The following COL6A2 variants were observed in gnomAD, a reference collection of about 807,000 sequenced individuals.
COL6A2 encodes the protein collagen alpha-2(VI) chain.
COL6A2 carries 90 observed loss-of-function variants against 124.9 expected under a neutral mutation model. The ratio of observed to expected loss-of-function variants is 0.72; its 90% confidence interval spans 0.61 to 0.86. The LOEUF is 0.86. Among genes scored for constraint, COL6A2 ranks in the 40% least tolerant of loss-of-function variants. The pLI is 0.00. For missense variants in COL6A2, 1,607 were observed against 1,502.5 expected (o/e 1.07, Z -1.15); for synonymous variants, 793 against 618.2 (o/e 1.28, Z -4.19).
At chr21:46,129,009 G>A in intron 27 of COL6A2, 3 of 1,605,372 alleles carry the variant, frequency 1.9e-6, no homozygotes, top group Non-Finnish European at 8.5e-7. Context: ...TCCTGTCCCT[G>A]TGCTCACTGC....
In COL6A2 at chr21:46,122,486, T is replaced by C. The variant is rs1444117798; in HGVS notation, c.1573-10T>C. The C allele has an allele frequency of 1.9e-6, 3 of 1,612,838 alleles. No homozygotes were observed. The highest frequency in any genetic ancestry group is 1.1e-5 in the South Asian group (1 of 91,078). ...AGGCTGAGTCACCCTGGCTTCTGTT[T>C]GCTTCACAGGGAGAAAAAGGCGAGC... On this transcript the variant is annotated splice_polypyrimidine_tract_variant and intron_variant, in intron 19 of 27. Transcript: ENST00000300527.
intron 27 of COL6A2, chr21:46,129,107 T>C (rs888932319): frequency 4.4e-6 from 7 of 1,605,216 alleles, no homozygotes; most frequent in African/African-American, 1.3e-5. Context: ...CGCTCTTCAC[T>C]CTGGCCTCGC....
chr21:46,122,994 G>C, intron 21 of COL6A2, 57 bp downstream of exon 21: 1 of 1,526,764 alleles, frequency 6.5e-7, no homozygotes, highest in Non-Finnish European at 9.1e-7. Context: ...GAGGGGCCCT[G>C]AGGCTGAGCG....
rs2078467770 is a variant in COL6A2, at chr21:46,116,196, G to A, written c.900+143G>A. 8.6e-7 allele frequency: 1 copy of A among 1,156,422 alleles called. No individual in the cohort carries two copies. The highest frequency in any genetic ancestry group is 1.3e-6 in the Non-Finnish European group (1 of 791,730). The allele number at this position is 1,156,422 out of a possible 1,614,324, so 71.6% of individuals were successfully genotyped here. ...ACAGAAGCACCTCGATAACTTGATG[G>A]CCGTCCCAAAACCCAGCCTCCAGCC... is the stretch of plus-strand genomic sequence containing the variant. On this transcript the variant is annotated intron_variant, in intron 7 of 27. Transcript: ENST00000300527. This position sits in a 1 kb window ranked among gnomAD's most constrained non-coding sequence, Gnocchi z 4.6.
At chr21:46,128,772 CAG>C in intron 27 of COL6A2, 7 of 811,098 alleles carry the variant, frequency 8.6e-6, no homozygotes, top group Non-Finnish European at 1.5e-5. Context: ...ACTCACATCC[CAG>C]AGAGGCTGAG....
chr21:46,105,829 G>T (rs986497436), intron 1 of COL6A2, among the ~76,000 whole-genome samples: 2 of 151,932 alleles, frequency 1.3e-5, no homozygotes, highest in Admixed American at 6.6e-5. Context: ...AATCCATAAG[G>T]TATACAGAAA....
intron 27 of COL6A2, among the ~76,000 whole-genome samples, chr21:46,131,696 C>T (rs773938246): frequency 2.6e-5 from 4 of 152,162 alleles, no homozygotes; most frequent in Non-Finnish European, 5.9e-5. Flanking sequence ...AGCAGGTGGA[C>T]AGGGCCTGGG....
At chr21:46,130,475 C>G (rs189246465) in intron 27 of COL6A2, among the ~76,000 whole-genome samples, 1 of 152,184 alleles carries the variant, frequency 6.6e-6, no homozygotes, top group African/African-American at 2.4e-5. Flanking sequence ...GCCAGGTTCT[C>G]GTCCCCACAC....
At chr21:46,121,371 T>C (rs1418860343) in intron 17 of COL6A2, among the ~76,000 whole-genome samples, 185 bp from the exon 18 acceptor site, 3 of 152,258 alleles carry the variant, frequency 2.0e-5, no homozygotes, top group East Asian at 1.9e-4. Context: ...CCTGAGGTCC[T>C]GGATGGGCCA....
intron 27 of COL6A2, among the ~76,000 whole-genome samples, chr21:46,130,226 C>G (rs778721666): frequency 1.6e-4 from 24 of 152,204 alleles, no homozygotes; most frequent in Non-Finnish European, 2.8e-4. Flanking sequence ...GGTGTCTGCA[C>G]CCTTCCAGCC....
At chr21:46,117,490 C>T (rs1266834684) in intron 11 of COL6A2, 37 bp downstream of exon 11, 1 of 1,606,408 alleles carries the variant, frequency 6.2e-7, no homozygotes, top group Non-Finnish European at 8.5e-7. Flanking sequence ...AGCCTCGGCC[C>T]AGGGGGTGTG....
intron 5 of COL6A2, among the ~76,000 whole-genome samples, chr21:46,115,438 G>A (rs2078456613): frequency 6.6e-6 from 1 of 152,214 alleles, no homozygotes; most frequent in African/African-American, 2.4e-5. Flanking sequence ...AATTCCAAGA[G>A]AGTGTAACCT....
In COL6A2 at chr21:46,116,145, A is replaced by G; in HGVS notation, c.900+92A>G. The G allele has an allele frequency of 1.5e-6, 2 of 1,338,464 alleles. No individual in the cohort carries two copies. The highest frequency in any genetic ancestry group is 2.5e-5 in the South Asian group (2 of 79,898). The allele number at this position is 1,338,464 out of a possible 1,614,324, so 82.9% of individuals were successfully genotyped here. ...CAGCCCAGCCTCGGCCTCAGCCTCT[A>G]CGACCCTCCCCCCAGTTACCAAGGA... is the stretch of plus-strand genomic sequence containing the variant. On this transcript the variant is annotated intron_variant, in intron 7 of 27. Coordinates refer to ENST00000300527, the MANE Select transcript of COL6A2 (RefSeq NM_001849.4). The surrounding 1 kb of genome is among the most constrained non-coding windows in gnomAD (Gnocchi z 4.6).
intron 1 of COL6A2, among the ~76,000 whole-genome samples, chr21:46,104,089 A>G (rs2078313732): frequency 6.6e-6 from 1 of 152,228 alleles, no homozygotes; most frequent in Admixed American, 6.5e-5. Flanking sequence ...AAAATTATAA[A>G]AACAAGAAAA....
Position 46,122,915 on chromosome 21 carries a change from G to GGAAAGAAGA in COL6A2, c.1654_1655insAAGAGAAAG (p.Lys551_Gly552insGluGluLys), listed in dbSNP as rs1555874765. On this transcript the variant is annotated inframe_insertion, in exon 21 of 28. Transcript: ENST00000300527. ...TTTGGCTTGAAAGGAGAACCTGGGA[G>GGAAAGAAGA]GAAAGGAGAGAAAGGAGAGCCTGTG... is the stretch of plus-strand genomic sequence containing the variant. The GGAAAGAAGA allele has an allele frequency of 6.2e-7, 1 of 1,613,316 alleles. No homozygotes were observed. The highest frequency in any genetic ancestry group is 8.5e-7 in the Non-Finnish European group (1 of 1,179,930).
At chr21:46,124,988 G>A in intron 23 of COL6A2, 68 bp downstream of exon 23, 6 of 1,578,838 alleles carry the variant, frequency 3.8e-6, no homozygotes, top group Non-Finnish European at 5.2e-6. Flanking sequence ...AGCAGCAGGG[G>A]TGGGGGAAGG....
At position 46,121,019 on chromosome 21, in the gene COL6A2, CTG is replaced by C. The variant is rs760786525; in HGVS notation, c.1396-40_1396-39del. On this transcript the variant is annotated intron_variant, in intron 16 of 27. Coordinates refer to ENST00000300527, the MANE Select transcript of COL6A2 (RefSeq NM_001849.4). Reference sequence around the variant, plus strand: ...TGATACTGGGGACTCCAGGGTGCTGCTGTCAGTCAAGAGAACCCCAAATTCCT... The same window carrying C: ...TGATACTGGGGACTCCAGGGTGCTGCTCAGTCAAGAGAACCCCAAATTCCT... The C allele has an allele frequency of 7.6e-6, 12 of 1,583,264 alleles. No individual in the cohort carries two copies. In the South Asian group the frequency reaches 1.3e-4, roughly 17 times the overall value.
In COL6A2 at chr21:46,112,288, C is replaced by G. The variant is rs866311790; in HGVS notation, c.425C>G (p.Thr142Arg). The change falls in exon 3 of 28, where the codon ACG becomes AGG. Residue 142 changes from threonine to arginine, a missense_variant. By Grantham distance (71) the Thr-to-Arg change is moderately conservative. This residue lies in a region of COL6A2 where 342 missense variants were observed against 381.5 expected (regional missense o/e 0.90). Coordinates refer to ENST00000300527, the MANE Select transcript of COL6A2 (RefSeq NM_001849.4). The stretch of plus-strand genomic sequence containing the variant: ...ACCGACTGCGCGCTGGCCAACATGA[C>G]GGAGCAGATCCGGCAGGACCGCAGC... ...TFTDCALANM[T>R]EQIRQDRSKG... 6.2e-7 allele frequency: 1 copy of G among 1,612,478 alleles called. No homozygotes were observed. The highest frequency in any genetic ancestry group is 1.3e-5 in the African/African-American group (1 of 74,922).
In COL6A2 at chr21:46,123,746, G is replaced by C. The variant is rs144538193; in HGVS notation, c.1671+809G>C. ...GCGAGTGTGTGGTTAGATGATGGATGGCTGAATGGATGAGTGGGGGGATGG... is the reference window on the plus strand; with the variant it reads ...GCGAGTGTGTGGTTAGATGATGGATCGCTGAATGGATGAGTGGGGGGATGG... On this transcript the variant is annotated intron_variant, in intron 21 of 27. Coordinates refer to ENST00000300527, the MANE Select transcript of COL6A2 (RefSeq NM_001849.4). Among the ~76,000 whole-genome samples, 71 of 133,806 alleles carry C rather than the reference G, an allele frequency of 5.3e-4. 1 individual carries two copies. The East Asian group carries it at 0.014, about 26-fold the overall frequency. The allele number at this position is 133,806 out of a possible 152,430, so 87.8% of individuals were successfully genotyped here.
Sources: gnomAD v4.1 joint callset for allele counts (sites outside exome capture counted in the v4.1 genomes callset) on GRCh38, gnomAD v4.1.1 for gene constraint, gnomAD v4.1.1 regional missense constraint, Gnocchi (gnomAD v3.1) non-coding constraint, MANE v1.5 for transcripts, NCBI Gene and HGNC (gene_info 2026-07-23, HGNC 2026-07-21) for gene names.